PRKN: variants seen among roughly 807,000 people sequenced by gnomAD.
PRKN encodes parkin RBR E3 ubiquitin protein ligase.
In PRKN, 56 loss-of-function variants were observed where a neutral mutation model predicts 59.5. The ratio of observed to expected loss-of-function variants is 0.94; its 90% CI spans 0.76 to 1.18. The LOEUF (loss-of-function observed/expected upper bound fraction) is 1.18, where lower values mean the gene tolerates loss of function less well. Ranked by LOEUF, PRKN falls within the 50% of genes most tolerant of loss-of-function variation. The pLI is 0.00. For synonymous variants in PRKN, 250 were observed against 222.1 expected, an observed-to-expected ratio of 1.13 and a Z score of -1.12; for missense variants, 657 against 596.4, an observed-to-expected ratio of 1.10 and a Z score of -1.06.
At chr6:161,491,009 C>A (rs1309168850) in intron 9 of PRKN, among the ~76,000 whole-genome samples, 2 of 152,166 alleles carry the variant, frequency 1.3e-5, no homozygotes, top group African/African-American at 2.4e-5. Context: ...GTGCCAGCAT[C>A]ATGCTTCCTA....
chr6:162,564,982 G>T (rs1458266869), intron 1 of PRKN, among the ~76,000 whole-genome samples: 2 of 152,104 alleles, frequency 1.3e-5, no homozygotes, highest in African/African-American at 4.8e-5. Context: ...TGTAACTGTG[G>T]TGTGTAAACT....
chr6:162,601,095 C>T (rs941208044), intron 1 of PRKN, among the ~76,000 whole-genome samples: 5 of 152,232 alleles, frequency 3.3e-5, no homozygotes, highest in South Asian at 2.1e-4. Context: ...AACAAGGCAA[C>T]GGCACCTGGT....
intron 3 of PRKN, among the ~76,000 whole-genome samples, chr6:162,225,183 C>T (rs1267245707): frequency 2.6e-5 from 4 of 152,102 alleles, no homozygotes; most frequent in African/African-American, 9.7e-5. Context: ...AGTGACCGAA[C>T]TTTATAACAA....
intron 4 of PRKN, among the ~76,000 whole-genome samples, chr6:162,156,046 T>C (rs1348562686): frequency 6.8e-6 from 1 of 147,112 alleles, no homozygotes; most frequent in Non-Finnish European, 1.5e-5. Flanking sequence ...CATAAATATA[T>C]GCCTTCACCC....
chr6:162,183,407 C>A (rs988839338), intron 4 of PRKN, among the ~76,000 whole-genome samples: 3 of 152,116 alleles, frequency 2.0e-5, no homozygotes, highest in Non-Finnish European at 4.4e-5. Flanking sequence ...TCTGGTGGGT[C>A]TCCTTGCTGA....
chr6:162,400,771 C>G (rs1373896032), intron 2 of PRKN, among the ~76,000 whole-genome samples: 3 of 152,196 alleles, frequency 2.0e-5, no homozygotes, highest in Admixed American at 1.3e-4. Context: ...CATCTTTTCT[C>G]AAATGCTTAT....
rs1380208485 is a variant in PRKN, at chr6:162,124,270, C to G, written c.535-70096G>C. Among the ~76,000 whole-genome samples the G allele has an allele frequency of 2.0e-5, 3 of 152,118 alleles. No homozygotes were observed. In the South Asian group the frequency reaches 6.2e-4, roughly 32 times the overall value. On this transcript the variant is annotated intron_variant, in intron 4 of 11. Transcript: ENST00000366898. ...TCTTACTGTTAGCATGTCTCAATTC[C>G]CTTAATATTTCATTTTTGCTTTTCA...
intron 2 of PRKN, among the ~76,000 whole-genome samples, chr6:162,278,291 C>T (rs527883678): frequency 5.9e-5 from 9 of 151,980 alleles, no homozygotes; most frequent in South Asian, 4.2e-4. Context: ...TGAGGGATGA[C>T]GGAGGGATGA....
chr6:161,670,987 T>C (rs2024687), intron 7 of PRKN, among the ~76,000 whole-genome samples: 1 of 151,914 alleles, frequency 6.6e-6, no homozygotes, highest in African/African-American at 2.4e-5. Flanking sequence ...TTGGGGGACA[T>C]AATTCGACCC....
At chr6:161,844,158 T>C (rs1385435751) in intron 6 of PRKN, among the ~76,000 whole-genome samples, 1 of 152,182 alleles carries the variant, frequency 6.6e-6, no homozygotes, top group Non-Finnish European at 1.5e-5. Context: ...TCACCTTTAA[T>C]AAGCATGAAG....
chr6:161,350,108 G>A lies in PRKN; in HGVS notation c.1389C>T (p.Phe463=), dbSNP rs1784460096. The change falls in exon 12 of 12, where the codon TTC becomes TTT. Residue 463 remains phenylalanine (F), a synonymous_variant. Transcript: ENST00000366898. ...CGCCCGGCCGCCCTGGCTACACGTCGAACCAGTGGTCCCCCATGCAGACGC... is the reference window on the plus strand; with the variant it reads ...CGCCCGGCCGCCCTGGCTACACGTCAAACCAGTGGTCCCCCATGCAGACGC... ...WNRVCMGDHW[F]DV 3.1e-6 allele frequency: 5 copies of A among 1,612,242 alleles called. No individual in the cohort carries two copies. Among genetic ancestry groups the A allele is most frequent in the Middle Eastern group, 1.7e-4 (1 of 6,058 alleles).
chr6:162,087,246 C>A (rs1464654375), intron 4 of PRKN, among the ~76,000 whole-genome samples: 1 of 152,076 alleles, frequency 6.6e-6, no homozygotes, highest in Non-Finnish European at 1.5e-5. Flanking sequence ...GAAAATGTTT[C>A]AAATGAAAAT....
intron 6 of PRKN, among the ~76,000 whole-genome samples, chr6:161,846,654 CT>C (rs1159270954): frequency 1.7e-5 from 2 of 114,294 alleles, no homozygotes; most frequent in Non-Finnish European, 3.2e-5. Flanking sequence ...AAAATGGTAT[CT>C]GCGTGAGTGA....
At chr6:161,919,164 G>A (rs1419503690) in intron 6 of PRKN, among the ~76,000 whole-genome samples, 2 of 152,166 alleles carry the variant, frequency 1.3e-5, no homozygotes, top group African/African-American at 4.8e-5. Flanking sequence ...TCGTATCCTT[G>A]CAATGGAGTT....
chr6:161,940,424 A>G (rs1779519808), intron 6 of PRKN, among the ~76,000 whole-genome samples: 1 of 152,216 alleles, frequency 6.6e-6, no homozygotes, highest in Non-Finnish European at 1.5e-5. Context: ...TGGCTGCTCA[A>G]TGTTGATATA....
At chr6:161,774,306 G>T (rs1789819521) in intron 7 of PRKN, among the ~76,000 whole-genome samples, 2 of 151,654 alleles carry the variant, frequency 1.3e-5, no homozygotes, top group South Asian at 4.2e-4. Context: ...ACTGCTGTGT[G>T]TTGACAGCCC....
intron 7 of PRKN, among the ~76,000 whole-genome samples, chr6:161,635,328 C>T (rs1203696268): frequency 6.6e-6 from 1 of 152,166 alleles, no homozygotes; most frequent in Non-Finnish European, 1.5e-5. Flanking sequence ...TGACTATAAT[C>T]AAAGAACAGG....
In PRKN at chr6:161,360,751, G is replaced by A. The variant is rs1784945476; in HGVS notation, c.1168-546C>T. ...GTTGTCACAGAAGGGACAGGAGCAAGAACAGGAAATGAAGTCGATGTGCCA... is the reference window on the plus strand; with the variant it reads ...GTTGTCACAGAAGGGACAGGAGCAAAAACAGGAAATGAAGTCGATGTGCCA... On this transcript the variant is annotated intron_variant, in intron 10 of 11. Coordinates refer to ENST00000366898, the MANE Select transcript of PRKN (RefSeq NM_004562.3). This position sits in a 1 kb window ranked among gnomAD's most constrained non-coding sequence, Gnocchi z 5.1. 1.3e-5 allele frequency among the ~76,000 whole-genome samples: 2 copies of A among 152,188 alleles called. No homozygotes were observed. Among genetic ancestry groups the A allele is most frequent in the African/African-American group, 2.4e-5 (1 of 41,446 alleles).
At chr6:161,629,645 T>A (rs1323393245) in intron 7 of PRKN, among the ~76,000 whole-genome samples, 2 of 152,128 alleles carry the variant, frequency 1.3e-5, no homozygotes, top group African/African-American at 4.8e-5. Flanking sequence ...GGACGCTTTT[T>A]TAATGTTTTC....
Sources: gnomAD v4.1 joint callset for allele counts (sites outside exome capture counted in the v4.1 genomes callset) on GRCh38, gnomAD v4.1.1 for gene constraint, Gnocchi (gnomAD v3.1) non-coding constraint, MANE v1.5 for transcripts, NCBI Gene and HGNC (gene_info 2026-07-23, HGNC 2026-07-21) for gene names.